Variants in ADAMTS12 observed in about 807,000 individuals in gnomAD.
The protein encoded by ADAMTS12 is ADAM metallopeptidase with thrombospondin type 1 motif 12, also known as A disintegrin and metalloproteinase with thrombospondin motifs 12.
ADAMTS12 carries 118 observed loss-of-function variants against 167.8 expected under a neutral mutation model. That is an observed-to-expected ratio of 0.70 (90% CI 0.61 to 0.82). The LOEUF is 0.82. ADAMTS12 is among the 40% of genes least tolerant of loss of function. The probability of loss-of-function intolerance (pLI) is 0.00; values close to 1 mark genes in which losing one functional copy is unlikely to be tolerated. For synonymous variants in ADAMTS12, 704 were observed against 716.9 expected, an observed-to-expected ratio of 0.98 and a Z score of 0.29; for missense variants, 1,916 against 1,998.8, an observed-to-expected ratio of 0.96 and a Z score of 0.79.
intron 9 of ADAMTS12, among the ~76,000 whole-genome samples, chr5:33,645,061 C>G (rs901680565): frequency 1.4e-4 from 21 of 152,084 alleles, no homozygotes; most frequent in African/African-American, 5.1e-4. Context: ...AGTTTCATGC[C>G]ACCTTGGTTG....
intron 13 of ADAMTS12, among the ~76,000 whole-genome samples, chr5:33,627,018 G>A (rs1212163046): frequency 4.6e-5 from 7 of 150,720 alleles, no homozygotes; most frequent in South Asian, 2.1e-4. Context: ...ATGCAGTAGG[G>A]TAGTGGTGAT....
chr5:33,538,383 A>G (rs1457094512), intron 22 of ADAMTS12, among the ~76,000 whole-genome samples: 3 of 152,194 alleles, frequency 2.0e-5, no homozygotes, highest in Non-Finnish European at 4.4e-5. Context: ...CTCCCTTGAC[A>G]CGTGAGAATT....
At chr5:33,754,730 C>T (rs957555242) in intron 2 of ADAMTS12, among the ~76,000 whole-genome samples, 2 of 152,070 alleles carry the variant, frequency 1.3e-5, no homozygotes, top group African/African-American at 2.4e-5. Flanking sequence ...GTGGCACGTG[C>T]CTGTAATCCC....
chr5:33,653,778 C>A (rs1434389012), intron 7 of ADAMTS12, among the ~76,000 whole-genome samples: 4 of 152,108 alleles, frequency 2.6e-5, no homozygotes, highest in African/African-American at 9.7e-5. Flanking sequence ...TAGGCCTGGG[C>A]ATGGATTTTC....
intron 1 of ADAMTS12, chr5:33,891,410 C>T (rs892551092): frequency 1.1e-5 from 3 of 262,434 alleles, no homozygotes; most frequent in Non-Finnish European, 2.1e-5. Flanking sequence ...AATAGGGGAT[C>T]AAAACAGTAC....
intron 3 of ADAMTS12, among the ~76,000 whole-genome samples, chr5:33,743,228 A>G (rs1472969962): frequency 6.6e-6 from 1 of 152,226 alleles, no homozygotes; most frequent in East Asian, 1.9e-4. Flanking sequence ...ATCAGAATGC[A>G]GATTGAGCTC....
chr5:33,576,656 T>C lies in ADAMTS12; in HGVS notation c.3370A>G (p.Thr1124Ala). ...TSEGGLVATT[T>A]SGSGLSSSRN... ...GAAGATGACAAGCCAGAACCACTTG[T>C]TGTTGTAGCTACAAGGCCTCCCTCC... The change falls in exon 19 of 24, where the codon ACA (threonine) becomes GCA (alanine). Residue 1124 changes from threonine (T) to alanine (A), a missense_variant. Coordinates refer to ENST00000504830, the MANE Select transcript of ADAMTS12 (RefSeq NM_030955.4). 6.2e-7 allele frequency: 1 copy of C among 1,614,178 alleles called. No individual in the cohort carries two copies. Among genetic ancestry groups the C allele is most frequent in the South Asian group, 1.1e-5 (1 of 91,078 alleles).
In ADAMTS12 at chr5:33,683,064, G is replaced by T; in HGVS notation, c.869C>A (p.Ala290Glu). 1 of 1,613,404 alleles carries T rather than the reference G, an allele frequency of 6.2e-7. No homozygotes were observed. The highest frequency in any genetic ancestry group is 8.5e-7 in the Non-Finnish European group (1 of 1,179,704). Residue 290 changes from alanine (A) to glutamate (E), a missense_variant, in exon 5 of 24, where the codon GCA becomes GAA. Coordinates refer to ENST00000504830, the MANE Select transcript of ADAMTS12 (RefSeq NM_030955.4). ...GLFHNPSIGN[A>E]IHIVVVRLIL... ...GAGCCGAACCACAACAATGTGAATT[G>T]CATTGCCAATGCTTGGGTTATGGAA... is the stretch of plus-strand genomic sequence containing the variant.
chr5:33,648,302 T>C (rs1015275536), intron 9 of ADAMTS12, among the ~76,000 whole-genome samples: 5 of 152,244 alleles, frequency 3.3e-5, no homozygotes, highest in Admixed American at 6.5e-5. Context: ...CAAGGAAAGA[T>C]GATGAGAGAC....
chr5:33,631,549 C>T (rs1262722633), intron 12 of ADAMTS12, among the ~76,000 whole-genome samples: 3 of 152,124 alleles, frequency 2.0e-5, no homozygotes, highest in African/African-American at 7.2e-5. Context: ...ACACTGAATC[C>T]ATTCTAAGGT....
rs141500483 is a variant in ADAMTS12 at position 33,663,987 on chromosome 5, C to T, written c.916-1947G>A. Reference sequence around the variant, plus strand: ...TCTGTATCCTGAAAATTATAAAATGCTGCTTAAAGAAGTCAAAGACCTAAG... The same window carrying T: ...TCTGTATCCTGAAAATTATAAAATGTTGCTTAAAGAAGTCAAAGACCTAAG... On this transcript the variant is annotated intron_variant, in intron 5 of 23. Coordinates refer to ENST00000504830, the MANE Select transcript of ADAMTS12 (RefSeq NM_030955.4). Among the ~76,000 whole-genome samples the T allele has an allele frequency of 1.4e-3, 217 of 152,156 alleles. 2 individuals are homozygous for T. Among genetic ancestry groups the T allele is most frequent in the African/African-American group, 5.0e-3 (206 of 41,510 alleles).
At chr5:33,548,614 C>T (rs1238860415) in intron 21 of ADAMTS12, among the ~76,000 whole-genome samples, 1 of 152,038 alleles carries the variant, frequency 6.6e-6, no homozygotes, top group African/African-American at 2.4e-5. Flanking sequence ...GATCATCACA[C>T]TTCACCAAAG....
At chr5:33,611,770 T>C (rs1485996109) in intron 16 of ADAMTS12, among the ~76,000 whole-genome samples, 4 of 152,160 alleles carry the variant, frequency 2.6e-5, no homozygotes, top group African/African-American at 9.7e-5. Context: ...TTGATAGCTA[T>C]GAAGATTATC....
At chr5:33,623,745 C>A (rs1389446811) in intron 14 of ADAMTS12, among the ~76,000 whole-genome samples, 2 of 152,192 alleles carry the variant, frequency 1.3e-5, no homozygotes, top group Non-Finnish European at 2.9e-5. Flanking sequence ...TCTCTTTTGA[C>A]TTTGAATTGA....
chr5:33,661,271 C>A (rs1159575640), intron 6 of ADAMTS12, among the ~76,000 whole-genome samples: 1 of 152,098 alleles, frequency 6.6e-6, no homozygotes, highest in Admixed American at 6.6e-5. Flanking sequence ...GCAAACATAG[C>A]CTTCAAAGAG....
intron 3 of ADAMTS12, among the ~76,000 whole-genome samples, chr5:33,723,308 G>T (rs2112338979): frequency 6.6e-6 from 1 of 152,300 alleles, no homozygotes; most frequent in African/African-American, 2.4e-5. Context: ...AAGAGGAAGA[G>T]AAATAATCCC....
chr5:33,581,222 T>C lies in ADAMTS12; in HGVS notation c.2866-4062A>G, dbSNP rs542111430. ...ACGCCACACTCCAAACCTATCTCAA[T>C]TGGTAGTTTCAGAATTCTCTAAACC... is the stretch of plus-strand genomic sequence containing the variant. On this transcript the variant is annotated intron_variant, in intron 18 of 23. Transcript: ENST00000504830. Among the ~76,000 whole-genome samples the C allele has an allele frequency of 1.7e-3, 259 of 152,362 alleles. 3 individuals carry two copies. The highest frequency in any genetic ancestry group is 5.8e-3 in the African/African-American group (243 of 41,596).
At chr5:33,704,240 T>C (rs1208801857) in intron 3 of ADAMTS12, among the ~76,000 whole-genome samples, 2 of 152,196 alleles carry the variant, frequency 1.3e-5, no homozygotes, top group Non-Finnish European at 2.9e-5. Context: ...TCTTTATCCA[T>C]TCATCTATTG....
intron 2 of ADAMTS12, among the ~76,000 whole-genome samples, chr5:33,815,021 C>T (rs1747594813): frequency 6.6e-6 from 1 of 152,142 alleles, no homozygotes; most frequent in South Asian, 2.1e-4. Context: ...GTTGCCAACT[C>T]AGGTGCTGGG....
Sources: allele counts gnomAD v4.1 joint callset (sites outside exome capture counted in the v4.1 genomes callset), GRCh38; gene constraint gnomAD v4.1.1; transcripts MANE v1.5; gene names NCBI Gene and HGNC (gene_info 2026-07-23, HGNC 2026-07-21).